Variants in USP45 observed in about 807,000 individuals in gnomAD.
USP45 encodes the protein ubiquitin carboxyl-terminal hydrolase 45.
Under a neutral mutation model 95.8 loss-of-function variants are expected in USP45, and 89 were observed. The ratio of observed to expected loss-of-function variants is 0.93; its 90% CI spans 0.78 to 1.11. The LOEUF is 1.11. Among genes scored for constraint, USP45 ranks in the 50% least tolerant of loss-of-function variants. The pLI is 0.00. For missense variants in USP45, 898 were observed against 942.5 expected, an observed-to-expected ratio of 0.95 and a Z score of 0.62; for synonymous variants, 281 against 316.2, an observed-to-expected ratio of 0.89 and a Z score of 1.18.
Position 99,504,788 on chromosome 6 carries a change from C to T in USP45, c.378-923G>A, listed in dbSNP as rs144279569. ...GACAACTGGTGAGAGGTGAGAGGAC[C>T]ACTACTTGTATTTAAGTGGGTAGAG... On this transcript the variant is annotated intron_variant, in intron 4 of 17. Coordinates refer to ENST00000500704, the MANE Select transcript of USP45 (RefSeq NM_001346022.3). Among the ~76,000 whole-genome samples, 97 of 152,224 alleles carry T rather than the reference C, an allele frequency of 6.4e-4. 1 individual carries two copies. The highest frequency in any genetic ancestry group is 1.8e-3 in the Admixed American group (27 of 15,292).
At chr6:99,508,903 A>G (rs2128809478) in intron 2 of USP45, 121 bp from the exon 3 acceptor site, 1 of 740,340 alleles carries the variant, frequency 1.4e-6, no homozygotes, top group Non-Finnish European at 2.1e-6. Context: ...TGAACACACA[A>G]AATAACTCAA....
At chr6:99,504,892 A>T (rs1798168522) in intron 4 of USP45, among the ~76,000 whole-genome samples, 1 of 152,198 alleles carries the variant, frequency 6.6e-6, no homozygotes, top group African/African-American at 2.4e-5. Context: ...AACAGTCCAA[A>T]TGCCAATAGT....
chr6:99,499,097 C>T (rs1583408354), intron 5 of USP45, among the ~76,000 whole-genome samples: 1 of 151,754 alleles, frequency 6.6e-6, no homozygotes, highest in African/African-American at 2.4e-5. Flanking sequence ...ATAGTGATGC[C>T]TAAAAGTAAA....
At chr6:99,506,374 T>G (rs1798526871) in intron 4 of USP45, among the ~76,000 whole-genome samples, 1 of 152,220 alleles carries the variant, frequency 6.6e-6, no homozygotes, top group Admixed American at 6.5e-5. Flanking sequence ...TCACCCAGGC[T>G]GGAGTGCAGT....
In USP45 at chr6:99,463,800, C is replaced by CAA. The variant is rs398002416; in HGVS notation, c.1308+802_1308+803dup. Among the ~76,000 whole-genome samples the CAA allele has an allele frequency of 1.6e-3, 133 of 84,426 alleles. 2 individuals are homozygous for CAA. The highest frequency in any genetic ancestry group is 4.0e-3 in the African/African-American group (95 of 23,742). The allele number at this position is 84,426 out of a possible 152,430, so 55.4% of individuals were successfully genotyped here. A position where few individuals can be genotyped will look rare whatever the true frequency, so the allele number is the denominator to read the frequency against. On this transcript the variant is annotated intron_variant, in intron 13 of 17. Coordinates refer to ENST00000500704, the MANE Select transcript of USP45 (RefSeq NM_001346022.3). ...TGGGCAACAGAGCGAGACTCCATCTCAAAAAAAAAAAAAAAAAAAAAAAAA... is the reference window on the plus strand; with the variant it reads ...TGGGCAACAGAGCGAGACTCCATCTCAAAAAAAAAAAAAAAAAAAAAAAAAAA...
chr6:99,468,181 T>C (rs1370344666), intron 10 of USP45: 2 of 458,642 alleles, frequency 4.4e-6, no homozygotes, highest in South Asian at 3.1e-5. Context: ...CTAAAAAATA[T>C]CCATAAATCC....
At chr6:99,456,046 T>C (rs1008698718) in intron 13 of USP45, among the ~76,000 whole-genome samples, 1 of 138,960 alleles carries the variant, frequency 7.2e-6, no homozygotes, top group African/African-American at 2.8e-5. Context: ...GGCAGGAGAA[T>C]GGCATGAACC....
intron 9 of USP45, among the ~76,000 whole-genome samples, chr6:99,469,281 C>T (rs1185295709): frequency 6.6e-6 from 1 of 151,576 alleles, no homozygotes; most frequent in Non-Finnish European, 1.5e-5. Context: ...AGGAAAGATC[C>T]AATCTCACAG....
At chr6:99,501,472 A>G (rs1056708048) in intron 5 of USP45, among the ~76,000 whole-genome samples, 4 of 152,176 alleles carry the variant, frequency 2.6e-5, no homozygotes, top group African/African-American at 4.8e-5. Context: ...CGTTTCTGCA[A>G]TATTAGCCTT....
rs1185001704 is a variant in USP45 at position 99,445,342 on chromosome 6, G to A, written c.1975+455C>T. Among the ~76,000 whole-genome samples the A allele has an allele frequency of 2.0e-5, 3 of 152,048 alleles. No homozygotes were observed. In the East Asian group the frequency reaches 5.8e-4, roughly 29 times the overall value. On this transcript the variant is annotated intron_variant, in intron 14 of 17. Transcript: ENST00000500704. ...TACTAAAAATACAAAAATTAGCTGG[G>A]CATGGTGGTGGGCGCCTGTAATCTC...
At chr6:99,516,067 G>A (rs1583537798), upstream of USP45, among the ~76,000 whole-genome samples, 1 of 151,840 alleles carries the variant, frequency 6.6e-6, no homozygotes, top group Non-Finnish European at 1.5e-5. Context: ...TTGAGCCACC[G>A]CGCCCGGCTC....
intron 5 of USP45, among the ~76,000 whole-genome samples, chr6:99,495,591 C>CT (rs1796124630): frequency 6.6e-6 from 1 of 152,154 alleles, no homozygotes; most frequent in South Asian, 2.1e-4. Flanking sequence ...GGCAGTCTAG[C>CT]TTCAGAATTC....
At chr6:99,447,791 C>T (rs1247511757) in intron 13 of USP45, among the ~76,000 whole-genome samples, 1 of 152,200 alleles carries the variant, frequency 6.6e-6, no homozygotes, top group African/African-American at 2.4e-5. Flanking sequence ...TGGGAGGCAC[C>T]CCCCAGTAGG....
intron 16 of USP45, among the ~76,000 whole-genome samples, chr6:99,438,581 C>T (rs954776854): frequency 1.3e-5 from 2 of 152,012 alleles, no homozygotes; most frequent in Non-Finnish European, 1.5e-5. Flanking sequence ...TAGATCCAGT[C>T]CTTATCTGGA....
chr6:99,507,607 C>G, intron 3 of USP45, 76 bp from the exon 4 acceptor site: 1 of 966,394 alleles, frequency 1.0e-6, no homozygotes, highest in Non-Finnish European at 1.6e-6. Flanking sequence ...AAATTATACT[C>G]ACACTTATAC....
At chr6:99,438,141 G>A (rs1185359759) in intron 16 of USP45, among the ~76,000 whole-genome samples, 1 of 152,050 alleles carries the variant, frequency 6.6e-6, no homozygotes, top group Non-Finnish European at 1.5e-5. Flanking sequence ...TATAAATTGG[G>A]GACTGGTTGA....
At chr6:99,461,486 C>T in intron 13 of USP45, 1 of 985,354 alleles carries the variant, frequency 1.0e-6, no homozygotes, top group Non-Finnish European at 1.2e-6. Flanking sequence ...ATTGCACACA[C>T]TAGTTTTACA....
intron 5 of USP45, among the ~76,000 whole-genome samples, chr6:99,498,324 T>G (rs954549202): frequency 2.0e-5 from 3 of 152,206 alleles, no homozygotes; most frequent in Admixed American, 1.3e-4. Context: ...TCACATTCTA[T>G]TTGGTTTATT....
intron 8 of USP45, among the ~76,000 whole-genome samples, chr6:99,478,154 TC>T (rs1377732528): frequency 6.7e-6 from 1 of 150,148 alleles, no homozygotes; most frequent in Non-Finnish European, 1.5e-5. Flanking sequence ...TAGCTCCTTC[TC>T]AACCAATGCA....
Sources: gnomAD v4.1 joint callset for allele counts (sites outside exome capture counted in the v4.1 genomes callset) on GRCh38, gnomAD v4.1.1 for gene constraint, MANE v1.5 for transcripts, NCBI Gene and HGNC (gene_info 2026-07-23, HGNC 2026-07-21) for gene names.